The following SYNPO2 variants were observed in gnomAD, a reference collection of about 807,000 sequenced individuals.
The protein encoded by SYNPO2 is synaptopodin-2.
Under a neutral mutation model 85.0 loss-of-function variants are expected in SYNPO2, and 56 were observed. That is an observed-to-expected ratio of 0.66 (90% CI 0.53 to 0.82). SYNPO2 has a LOEUF of 0.82. Among genes scored for constraint, SYNPO2 ranks in the 40% least tolerant of loss-of-function variants. SYNPO2 has a pLI of 0.00. For synonymous variants in SYNPO2, 602 were observed against 591.1 expected (o/e 1.02, Z -0.27); for missense variants, 1,575 against 1,534.2 (o/e 1.03, Z -0.44).
At chr4:118,978,860 A>G (rs1297068667) in intron 1 of SYNPO2, among the ~76,000 whole-genome samples, 1 of 151,416 alleles carries the variant, frequency 6.6e-6, no homozygotes, top group Non-Finnish European at 1.5e-5. Context: ...AAGTGCCTGT[A>G]ACCTTTTTAT....
intron 1 of SYNPO2, among the ~76,000 whole-genome samples, chr4:118,864,734 A>G (rs1408654229): frequency 3.3e-5 from 5 of 152,068 alleles, no homozygotes; most frequent in African/African-American, 1.2e-4. Context: ...CTGTCTTGAA[A>G]TCTGTTTTGT....
chr4:118,924,860 G>A (rs1190901266), intron 1 of SYNPO2, among the ~76,000 whole-genome samples: 2 of 152,138 alleles, frequency 1.3e-5, no homozygotes. Flanking sequence ...ATTTCTGTCA[G>A]TCTCTCAGTT....
At chr4:119,010,594 G>C (rs1449039780) in intron 1 of SYNPO2, among the ~76,000 whole-genome samples, 2 of 152,198 alleles carry the variant, frequency 1.3e-5, no homozygotes, top group Non-Finnish European at 2.9e-5. Flanking sequence ...AGGAGAAACT[G>C]TCTCCTTTGA....
chr4:118,892,976 G>T (rs1051367309), intron 1 of SYNPO2, among the ~76,000 whole-genome samples: 1 of 152,072 alleles, frequency 6.6e-6, no homozygotes, highest in South Asian at 2.1e-4. Context: ...CATCAGTAAG[G>T]TTTTTAAAAT....
At chr4:118,913,199 G>C (rs1733198856) in intron 1 of SYNPO2, among the ~76,000 whole-genome samples, 1 of 152,126 alleles carries the variant, frequency 6.6e-6, no homozygotes. Flanking sequence ...GCTTTAAAGA[G>C]AGGAATATAT....
chr4:118,878,574 T>C (rs1379741728), intron 1 of SYNPO2, among the ~76,000 whole-genome samples: 2 of 152,072 alleles, frequency 1.3e-5, no homozygotes, highest in African/African-American at 4.8e-5. Flanking sequence ...GCTAAAGGTT[T>C]GTAAACGCAC....
chr4:118,876,381 G>C lies in SYNPO2; in HGVS notation c.12+25441G>C, dbSNP rs183372491. Among the ~76,000 whole-genome samples, 45 of 152,204 alleles carry C rather than the reference G, an allele frequency of 3.0e-4. No individual in the cohort carries two copies. In the East Asian group the frequency reaches 7.2e-3, roughly 24 times the overall value. On this transcript the variant is annotated intron_variant, in intron 1 of 4. Coordinates refer to the SYNPO2 transcript ENST00000610556. ...GGGGTTTTTGATCACCTTATGTGTT[G>C]CATCACTCCCATCGCGCTCTGCCAT...
At chr4:118,856,857 A>G (rs1204782466) in intron 1 of SYNPO2, among the ~76,000 whole-genome samples, 1 of 152,174 alleles carries the variant, frequency 6.6e-6, no homozygotes, top group East Asian at 1.9e-4. Context: ...TAAGAGGAAG[A>G]AAAATGCAAA....
intron 1 of SYNPO2, among the ~76,000 whole-genome samples, chr4:119,009,638 G>A (rs1261591398): frequency 2.6e-5 from 4 of 152,130 alleles, no homozygotes; most frequent in Non-Finnish European, 5.9e-5. Context: ...ATCACCCGGG[G>A]AAGCTCATTA....
chr4:119,022,966 C>T (rs1269754399), intron 1 of SYNPO2, among the ~76,000 whole-genome samples: 15 of 151,502 alleles, frequency 9.9e-5, no homozygotes, highest in African/African-American at 1.9e-4. Context: ...TTAGTAGAGA[C>T]GGGGTTTCAC....
chr4:118,977,343 G>T (rs1179927498), intron 1 of SYNPO2, among the ~76,000 whole-genome samples: 1 of 152,252 alleles, frequency 6.6e-6, no homozygotes, highest in Non-Finnish European at 1.5e-5. Flanking sequence ...GCTGCTCCGA[G>T]TGCGGGGCCT....
intron 4 of SYNPO2, chr4:119,036,989 A>T: frequency 7.6e-7 from 1 of 1,315,672 alleles, no homozygotes; most frequent in Non-Finnish European, 9.7e-7. Flanking sequence ...TTTTTTTGTT[A>T]TTAATATAGG....
chr4:118,913,592 T>C (rs2149125083), intron 1 of SYNPO2, among the ~76,000 whole-genome samples: 1 of 151,582 alleles, frequency 6.6e-6, no homozygotes, highest in East Asian at 2.0e-4. Context: ...TGTGTGTGTG[T>C]GTGTGCAGCA....
At chr4:118,931,148 C>T (rs1183517780) in intron 1 of SYNPO2, among the ~76,000 whole-genome samples, 1 of 151,834 alleles carries the variant, frequency 6.6e-6, no homozygotes, top group Non-Finnish European at 1.5e-5. Context: ...AAATACCTTA[C>T]AGGACTTTTC....
intron 1 of SYNPO2, among the ~76,000 whole-genome samples, chr4:118,975,950 A>C (rs1298200719): frequency 6.6e-6 from 1 of 152,252 alleles, no homozygotes; most frequent in Non-Finnish European, 1.5e-5. Context: ...AATATTTTAC[A>C]GATTTGTTGC....
chr4:118,942,367 G>T (rs1223417511), intron 1 of SYNPO2, among the ~76,000 whole-genome samples: 2 of 152,132 alleles, frequency 1.3e-5, no homozygotes, highest in African/African-American at 4.8e-5. Flanking sequence ...GCCCGGCATG[G>T]GGTCTCTGGC....
intron 4 of SYNPO2, chr4:119,038,611 G>T: frequency 1.1e-6 from 1 of 951,924 alleles, no homozygotes; most frequent in African/African-American, 1.8e-5. Flanking sequence ...AGCATGGCTT[G>T]CTACTAAACC....
intron 1 of SYNPO2, among the ~76,000 whole-genome samples, chr4:119,001,184 C>A (rs1197191766): frequency 6.6e-6 from 1 of 152,136 alleles, no homozygotes; most frequent in Non-Finnish European, 1.5e-5. Context: ...AGTGTCCTAG[C>A]CCTATGGCCC....
At chr4:118,896,556 A>G (rs2149116536) in intron 1 of SYNPO2, among the ~76,000 whole-genome samples, 1 of 152,342 alleles carries the variant, frequency 6.6e-6, no homozygotes, top group East Asian at 1.9e-4. Flanking sequence ...TTTGAGGGAT[A>G]TTTCATTATT....
Sources: gnomAD v4.1 joint callset for allele counts (sites outside exome capture counted in the v4.1 genomes callset) on GRCh38, gnomAD v4.1.1 for gene constraint, MANE v1.5 for transcripts, NCBI Gene and HGNC (gene_info 2026-07-23, HGNC 2026-07-21) for gene names.